Variants in GRID1 observed in about 807,000 individuals in gnomAD.
The protein encoded by GRID1 is glutamate receptor ionotropic, delta-1.
Under a neutral mutation model 98.0 loss-of-function variants are expected in GRID1, and 28 were observed. That is an observed-to-expected ratio of 0.29 (90% CI 0.21 to 0.39). The LOEUF (loss-of-function observed/expected upper bound fraction) is 0.39, where lower values mean the gene tolerates loss of function less well. GRID1 is among the 10% of genes least tolerant of loss of function. The probability of loss-of-function intolerance (pLI) is 1.00; values close to 1 mark genes in which losing one functional copy is unlikely to be tolerated. For missense variants in GRID1, 1,111 were observed against 1,340.5 expected (o/e 0.83, Z 2.67); for synonymous variants, 553 against 538.5 (o/e 1.03, Z -0.37).
At chr10:85,769,378 C>T (rs1195328090) in intron 8 of GRID1, among the ~76,000 whole-genome samples, 1 of 152,192 alleles carries the variant, frequency 6.6e-6, no homozygotes, top group Non-Finnish European at 1.5e-5. Context: ...CTCCGGTCTA[C>T]AGCTCCCAGC....
At chr10:86,215,471 C>G (rs1046486547) in intron 2 of GRID1, among the ~76,000 whole-genome samples, 3 of 152,198 alleles carry the variant, frequency 2.0e-5, no homozygotes, top group African/African-American at 7.2e-5. Context: ...AGCTCTCCAG[C>G]TCCTCATTAA....
rs547697436 is a variant in GRID1 at position 86,268,478 on chromosome 10, G to C, written c.236-61830C>G. ...AATCAGTCACTGAAGTGTGGGGGTT[G>C]TTTGTTACCACGGGGGCTAGCCCAT... On this transcript the variant is annotated intron_variant, in intron 2 of 15. Coordinates refer to ENST00000327946, the MANE Select transcript of GRID1 (RefSeq NM_017551.3). Among the ~76,000 whole-genome samples the C allele has an allele frequency of 5.7e-4, 87 of 152,302 alleles. 1 individual carries two copies. Among genetic ancestry groups the C allele is most frequent in the African/African-American group, 2.0e-3 (85 of 41,570 alleles).
intron 3 of GRID1, among the ~76,000 whole-genome samples, chr10:86,167,309 G>A (rs746051803): frequency 4.6e-5 from 7 of 152,244 alleles, no homozygotes; most frequent in Non-Finnish European, 7.3e-5. Flanking sequence ...GGCCACAGAG[G>A]AAGACTGAAG....
intron 12 of GRID1, among the ~76,000 whole-genome samples, chr10:85,719,368 C>T (rs1248221646): frequency 6.6e-6 from 1 of 152,114 alleles, no homozygotes. Context: ...TCATTCAGTA[C>T]CAATTTACTG....
Position 86,322,721 on chromosome 10 carries a change from T to A in GRID1, c.235+41220A>T, listed in dbSNP as rs868302079. 7.9e-5 allele frequency among the ~76,000 whole-genome samples: 12 copies of A among 151,126 alleles called. No homozygotes were observed. The South Asian group carries it at 1.0e-3, about 13-fold the overall frequency. ...CCACCTTGCCCGGCCTTGAATTATT[T>A]TTTTTTAAATAAAAATAAATAAATA... On this transcript the variant is annotated intron_variant, in intron 2 of 15. Transcript: ENST00000327946.
intron 2 of GRID1, among the ~76,000 whole-genome samples, chr10:86,223,724 C>G (rs1474552817): frequency 6.6e-6 from 1 of 152,254 alleles, no homozygotes; most frequent in African/African-American, 2.4e-5. Flanking sequence ...CAGCTTGGGT[C>G]GGCTTTCCAA....
At chr10:85,899,324 A>T (rs954228593) in intron 5 of GRID1, among the ~76,000 whole-genome samples, 8 of 152,184 alleles carry the variant, frequency 5.3e-5, no homozygotes, top group African/African-American at 1.9e-4. Flanking sequence ...ACTGATGGAC[A>T]CTTAGGTTGA....
At chr10:86,175,771 G>A (rs183444974) in intron 3 of GRID1, among the ~76,000 whole-genome samples, 187 of 152,028 alleles carry the variant, frequency 1.2e-3, no homozygotes, top group African/African-American at 4.0e-3. Flanking sequence ...GTGCAATGGC[G>A]CAATCTCTGC....
At chr10:85,713,259 G>A (rs869239483) in intron 12 of GRID1, among the ~76,000 whole-genome samples, 1 of 151,720 alleles carries the variant, frequency 6.6e-6, no homozygotes, top group Admixed American at 6.6e-5. Flanking sequence ...AGGGTCATAA[G>A]AGAACACTAT....
chr10:86,057,936 G>A (rs560152876), intron 4 of GRID1, among the ~76,000 whole-genome samples: 201 of 152,246 alleles, frequency 1.3e-3, no homozygotes, highest in Middle Eastern at 3.4e-3. Context: ...TGCGGTGTGC[G>A]CTCCAGAAAT....
chr10:86,292,518 G>A (rs908793947), intron 2 of GRID1, among the ~76,000 whole-genome samples: 9 of 152,196 alleles, frequency 5.9e-5, no homozygotes, highest in Non-Finnish European at 1.0e-4. Flanking sequence ...GATAAGCGTC[G>A]CCCCTGGCAC....
At chr10:85,653,412 C>T (rs1840853754) in intron 12 of GRID1, among the ~76,000 whole-genome samples, 1 of 152,190 alleles carries the variant, frequency 6.6e-6, no homozygotes, top group African/African-American at 2.4e-5. Flanking sequence ...GAGGAATGAA[C>T]TCGCAGAGGA....
At chr10:86,161,799 C>T (rs1052584744) in intron 3 of GRID1, among the ~76,000 whole-genome samples, 20 of 152,304 alleles carry the variant, frequency 1.3e-4, no homozygotes, top group African/African-American at 4.8e-4. Context: ...GGAACTGGAT[C>T]ACTGAAATGG....
At chr10:86,328,574 C>G (rs1848090111) in intron 2 of GRID1, among the ~76,000 whole-genome samples, 1 of 152,158 alleles carries the variant, frequency 6.6e-6, no homozygotes, top group Non-Finnish European at 1.5e-5. Context: ...TTCCGCATGT[C>G]CTCATTTTTC....
chr10:86,269,903 T>C (rs1847159736), intron 2 of GRID1, among the ~76,000 whole-genome samples: 1 of 152,178 alleles, frequency 6.6e-6, no homozygotes, highest in African/African-American at 2.4e-5. Flanking sequence ...CTACGGGCAC[T>C]AAGACCCCCT....
rs547844176 is a variant in GRID1, at chr10:86,078,681, G to A, written c.726+60138C>T. 7.9e-5 allele frequency among the ~76,000 whole-genome samples: 12 copies of A among 152,350 alleles called. No homozygotes were observed. The South Asian group carries it at 2.1e-3, about 26-fold the overall frequency. On this transcript the variant is annotated intron_variant, in intron 4 of 15. Coordinates refer to ENST00000327946, the MANE Select transcript of GRID1 (RefSeq NM_017551.3). The stretch of plus-strand genomic sequence containing the variant: ...CGGACCCTTCCACTGTTCAAAGAAC[G>A]CTTGGGGGCCTAGGGCTGGCTGGGC...
intron 4 of GRID1, among the ~76,000 whole-genome samples, chr10:86,057,216 A>G (rs1843587390): frequency 6.6e-6 from 1 of 152,190 alleles, no homozygotes; most frequent in South Asian, 2.1e-4. Context: ...ACCTTTTCAG[A>G]GAACAGGACA....
At chr10:85,792,412 C>A (rs1842488824) in intron 8 of GRID1, among the ~76,000 whole-genome samples, 1 of 152,134 alleles carries the variant, frequency 6.6e-6, no homozygotes, top group African/African-American at 2.4e-5. Flanking sequence ...AGGTGCCTTT[C>A]AATATTTTTA....
intron 3 of GRID1, among the ~76,000 whole-genome samples, chr10:86,173,871 C>T (rs1217894763): frequency 6.6e-6 from 1 of 151,850 alleles, no homozygotes. Context: ...TGATGATTTC[C>T]AATTTCATCC....
Sources: gnomAD v4.1 joint callset for allele counts (sites outside exome capture counted in the v4.1 genomes callset) on GRCh38, gnomAD v4.1.1 for gene constraint, MANE v1.5 for transcripts, NCBI Gene and HGNC (gene_info 2026-07-23, HGNC 2026-07-21) for gene names.